The following NOL4 variants were observed in gnomAD, a reference collection of about 807,000 sequenced individuals.
NOL4 encodes the protein nucleolar protein 4, also known as cancer/testis antigen 125.
Under a neutral mutation model 75.9 loss-of-function variants are expected in NOL4, and 17 were observed. The ratio of observed to expected loss-of-function variants is 0.22; its 90% CI spans 0.15 to 0.34. NOL4 has a LOEUF of 0.34. Among genes scored for constraint, NOL4 ranks in the 10% least tolerant of loss-of-function variants. The probability of loss-of-function intolerance (pLI) is 1.00; values close to 1 mark genes in which losing one functional copy is unlikely to be tolerated. For synonymous variants in NOL4, 292 were observed against 289.9 expected (o/e 1.01, Z -0.07); for missense variants, 614 against 793.5 (o/e 0.77, Z 2.72).
At chr18:34,117,191 C>A (rs74413500) in intron 2 of NOL4, among the ~76,000 whole-genome samples, 349 of 152,152 alleles carry the variant, frequency 2.3e-3, no homozygotes, top group African/African-American at 8.0e-3. Flanking sequence ...AACAGTCCCA[C>A]GAATAGATTA....
Position 34,223,304 on chromosome 18 carries a change from G to A in NOL4, c.-51C>T, listed in dbSNP as rs779188387. 1 of 1,596,046 alleles carries A rather than the reference G, an allele frequency of 6.3e-7. No individual in the cohort carries two copies. Among genetic ancestry groups the A allele is most frequent in the Non-Finnish European group, 8.5e-7 (1 of 1,174,144 alleles). ...GATGCTCCCAGCGCACTTCGCACCT[G>A]TTCACCCTAGGCTCATGAAAAATGC... On this transcript the variant is annotated 5_prime_UTR_variant, in exon 1 of 11. Transcript: ENST00000261592.
At chr18:34,067,835 CT>C (rs769748261) in intron 5 of NOL4, among the ~76,000 whole-genome samples, 1 of 151,736 alleles carries the variant, frequency 6.6e-6, no homozygotes, top group Non-Finnish European at 1.5e-5. Context: ...CTGAATGGTA[CT>C]GTCAAATATC....
chr18:34,150,405 G>T (rs12959470), intron 1 of NOL4, among the ~76,000 whole-genome samples: 1 of 151,346 alleles, frequency 6.6e-6, no homozygotes, highest in Non-Finnish European at 1.5e-5. Flanking sequence ...GTATCAGTAG[G>T]ATAGAATAGA....
intron 9 of NOL4, among the ~76,000 whole-genome samples, chr18:33,897,922 A>T (rs1304987266): frequency 6.6e-6 from 1 of 152,000 alleles, no homozygotes; most frequent in East Asian, 1.9e-4. Flanking sequence ...CCTTTTTAAA[A>T]TAACTTTTTG....
intron 10 of NOL4, among the ~76,000 whole-genome samples, chr18:33,866,468 T>TA (rs2063433931): frequency 6.6e-6 from 1 of 152,164 alleles, no homozygotes; most frequent in African/African-American, 2.4e-5. Context: ...TTCTACACAT[T>TA]AATTTTAAAG....
chr18:33,877,335 C>T (rs1343539136), intron 10 of NOL4, among the ~76,000 whole-genome samples: 1 of 150,990 alleles, frequency 6.6e-6, no homozygotes, highest in Admixed American at 6.6e-5. Flanking sequence ...TAAAAATTAG[C>T]CAGGTGTGGC....
Position 33,958,262 on chromosome 18 carries a change from C to T in NOL4, c.1213G>A (p.Ala405Thr), listed in dbSNP as rs759028913. Residue 405 changes from alanine (A) to threonine (T), a missense_variant, in exon 7 of 11, where the codon GCC (alanine) becomes ACC (threonine). By Grantham distance (58) the Ala-to-Thr change is moderately conservative. Transcript: ENST00000261592. ...EKVNETDGVE[A>T]ERLKAFNMFV... ...ACATTAAAAGCTTTCAGCCGCTCGG[C>T]TTCAACGCCGTCTGTCTCATTAACT... 2 of 1,613,584 alleles carry T rather than the reference C, an allele frequency of 1.2e-6. No homozygotes were observed. The highest frequency in any genetic ancestry group is 1.1e-5 in the South Asian group (1 of 91,034).
At chr18:34,192,822 C>T (rs560572993) in intron 1 of NOL4, among the ~76,000 whole-genome samples, 10 of 152,240 alleles carry the variant, frequency 6.6e-5, no homozygotes, top group South Asian at 2.1e-4. Flanking sequence ...AGTGGATTAA[C>T]GGCATTATCA....
rs146670090 is a variant in NOL4 at position 33,879,130 on chromosome 18, T to G, written c.1723+4114A>C. ...ATTTGAAGAATTTAAAAAAACAGTT[T>G]AATAGTTACATAAATATATATAGTT... On this transcript the variant is annotated intron_variant, in intron 10 of 10. Coordinates refer to ENST00000261592, the MANE Select transcript of NOL4 (RefSeq NM_003787.5). 5.6e-3 allele frequency among the ~76,000 whole-genome samples: 846 copies of G among 152,228 alleles called. 2 individuals carry two copies. Among genetic ancestry groups the G allele is most frequent in the African/African-American group, 0.019 (782 of 41,552 alleles).
intron 1 of NOL4, among the ~76,000 whole-genome samples, chr18:34,149,539 G>A (rs930110012): frequency 2.0e-5 from 3 of 151,634 alleles, no homozygotes; most frequent in Admixed American, 1.3e-4. Context: ...CTATGATAGT[G>A]TTTTAATAGG....
At chr18:34,079,044 G>A (rs917019030) in intron 5 of NOL4, among the ~76,000 whole-genome samples, 1 of 152,076 alleles carries the variant, frequency 6.6e-6, no homozygotes, top group Non-Finnish European at 1.5e-5. Flanking sequence ...TCTGGTCAGG[G>A]AAGGAAACCG....
At chr18:34,066,069 T>A (rs943528069) in intron 5 of NOL4, among the ~76,000 whole-genome samples, 6 of 151,948 alleles carry the variant, frequency 3.9e-5, no homozygotes, top group Non-Finnish European at 8.8e-5. Context: ...GTTCACAGGA[T>A]TGATTTGAAG....
intron 9 of NOL4, among the ~76,000 whole-genome samples, chr18:33,909,468 C>T (rs145054385): frequency 5.3e-5 from 8 of 152,188 alleles, no homozygotes; most frequent in African/African-American, 1.2e-4. Context: ...GCATTATATC[C>T]GAAACTGTGC....
chr18:34,077,510 T>C (rs1481353109), intron 5 of NOL4, among the ~76,000 whole-genome samples: 1 of 152,092 alleles, frequency 6.6e-6, no homozygotes, highest in Admixed American at 6.5e-5. Flanking sequence ...TATATATGTA[T>C]ACATATTTAA....
In NOL4 at chr18:34,019,591, A is replaced by C. The variant is rs141825202; in HGVS notation, c.783T>G (p.Ala261=). 3.2e-5 allele frequency: 51 copies of C among 1,611,064 alleles called. No homozygotes were observed. The highest frequency in any genetic ancestry group is 4.1e-5 in the Non-Finnish European group (48 of 1,177,860). The part of the protein sequence containing the change: ...NLHGQQDDDS[A]AESFNGNETL... ...TCTCATTGCCATTAAAGCTCTCTGC[A>C]GCAGAATCATCTGTTGGAAAGGAAA... Residue 261 remains alanine (A), a synonymous_variant, in exon 6 of 11, where the codon GCT becomes GCG. Coordinates refer to ENST00000261592, the MANE Select transcript of NOL4 (RefSeq NM_003787.5).
At chr18:33,942,822 C>T (rs1300674910) in intron 9 of NOL4, among the ~76,000 whole-genome samples, 1 of 151,834 alleles carries the variant, frequency 6.6e-6, no homozygotes, top group Admixed American at 6.6e-5. Flanking sequence ...GGATACTAAA[C>T]AGAATCATAA....
At chr18:33,912,041 A>G (rs2066440928) in intron 9 of NOL4, among the ~76,000 whole-genome samples, 1 of 152,056 alleles carries the variant, frequency 6.6e-6, no homozygotes, top group South Asian at 2.1e-4. Context: ...ACTTTAGTCA[A>G]TTCTCTTATT....
At chr18:34,095,251 A>ATGTATGTGTGTG (rs139391238) in intron 4 of NOL4, among the ~76,000 whole-genome samples, 1 of 144,408 alleles carries the variant, frequency 6.9e-6, no homozygotes, top group Non-Finnish European at 1.5e-5. Flanking sequence ...TCTAATGTGT[A>ATGTATGTGTGTG]TGTGTGTGTG....
intron 1 of NOL4, among the ~76,000 whole-genome samples, chr18:34,163,238 C>T (rs1287236343): frequency 1.3e-5 from 2 of 151,998 alleles, no homozygotes; most frequent in Non-Finnish European, 2.9e-5. Context: ...AAGTTCTGGC[C>T]AGGGCAATTA....
Sources: allele counts gnomAD v4.1 joint callset (sites outside exome capture counted in the v4.1 genomes callset), GRCh38; gene constraint gnomAD v4.1.1; transcripts MANE v1.5; gene names NCBI Gene and HGNC (gene_info 2026-07-23, HGNC 2026-07-21).